Variants in FNDC1 observed in about 807,000 individuals in gnomAD.
FNDC1 encodes the protein fibronectin type III domain containing 1.
Under a neutral mutation model 168.0 loss-of-function variants are expected in FNDC1, and 96 were observed. The ratio of observed to expected loss-of-function variants is 0.57; its 90% CI spans 0.48 to 0.68. The LOEUF is 0.68. Ranked by LOEUF, FNDC1 falls within the 30% of genes least tolerant of loss-of-function variation. FNDC1 has a pLI of 0.00. For synonymous variants in FNDC1, 1,099 were observed against 1,025.9 expected (o/e 1.07, Z -1.36); for missense variants, 2,587 against 2,482.1 (o/e 1.04, Z -0.90).
intron 8 of FNDC1, 124 bp downstream of exon 8, chr6:159,225,846 A>G: frequency 1.2e-6 from 1 of 849,350 alleles, no homozygotes. Flanking sequence ...AGTCATGTTA[A>G]TCCTAAATTT....
chr6:159,244,812 A>G (rs995563893), intron 14 of FNDC1, among the ~76,000 whole-genome samples: 1 of 152,216 alleles, frequency 6.6e-6, no homozygotes, highest in African/African-American at 2.4e-5. Flanking sequence ...GTCTTTTACC[A>G]TCTGCATGTC....
Position 159,251,457 on chromosome 6 carries a change from G to C in FNDC1, c.4990G>C (p.Val1664Leu). 1 of 1,613,924 alleles carries C rather than the reference G, an allele frequency of 6.2e-7. No homozygotes were observed. The highest frequency in any genetic ancestry group is 8.5e-7 in the Non-Finnish European group (1 of 1,179,880). Reference sequence around the variant, plus strand: ...CCAGCATGCTCCCCGCAACATCACCGTGGTGGCCGTGGAAGGTTGCCACTC... The same window carrying C: ...CCAGCATGCTCCCCGCAACATCACCCTGGTGGCCGTGGAAGGTTGCCACTC... ...PPQHAPRNIT[V>L]VAVEGCHSFV... is the part of the protein sequence containing the mutation. The change falls in exon 17 of 23, where the codon GTG becomes CTG. Residue 1664 changes from valine to leucine, a missense_variant. Val to Leu is a conservative substitution (Grantham distance 32). Transcript: ENST00000297267.
intron 16 of FNDC1, 84 bp downstream of exon 16, chr6:159,249,266 G>A (rs935374462): frequency 1.3e-5 from 18 of 1,356,056 alleles, no homozygotes; most frequent in East Asian, 9.8e-5. Context: ...TTTTGGCCTC[G>A]CCAAGGCAGT....
At chr6:159,191,859 T>C (rs1414683999) in intron 1 of FNDC1, among the ~76,000 whole-genome samples, 1 of 152,166 alleles carries the variant, frequency 6.6e-6, no homozygotes, top group Non-Finnish European at 1.5e-5. Context: ...TGTTTCTCCC[T>C]GGATTAGTCG....
rs200627143 is a variant in FNDC1 at position 159,234,188 on chromosome 6, C to G, written c.3676C>G (p.Pro1226Ala). The G allele has an allele frequency of 4.1e-4, 659 of 1,598,640 alleles. 3 individuals carry two copies. The East Asian group carries it at 9.7e-3, about 24-fold the overall frequency. The change falls in exon 11 of 23, where the codon CCT becomes GCT. Residue 1226 changes from proline to alanine, a missense_variant. Pro to Ala is a conservative substitution (Grantham distance 27). Transcript: ENST00000297267. ...DGSLAKEEREPAIALAPRGGS... is the reference protein window; with the variant it reads ...DGSLAKEEREAAIALAPRGGS... ...GAGCCTCGCCAAGGAAGAGAGGGAG[C>G]CTGCCATCGCGCTTGCCCCTCGCGG...
At position 159,232,552 on chromosome 6, in the gene FNDC1, T is replaced by A; in HGVS notation, c.2040T>A (p.Val680=). 1.2e-6 allele frequency: 2 copies of A among 1,611,950 alleles called. No individual in the cohort carries two copies. Among genetic ancestry groups the A allele is most frequent in the Non-Finnish European group, 1.7e-6 (2 of 1,179,064 alleles). The change falls in exon 11 of 23, where the codon GTT becomes GTA. Residue 680 remains valine (V), a synonymous_variant. Transcript: ENST00000297267. This position sits in a 1 kb window ranked among gnomAD's most constrained non-coding sequence, Gnocchi z 4.9. ...LSPSRQSPSS[V]LRDRSSVHPG... ...CCAGCCGCCAGTCCCCGTCCAGCGT[T>A]CTCCGCGACAGAAGCTCTGTGCACC...
At chr6:159,178,997 A>G (rs1465202220) in intron 1 of FNDC1, among the ~76,000 whole-genome samples, 1 of 152,156 alleles carries the variant, frequency 6.6e-6, no homozygotes, top group East Asian at 1.9e-4. Flanking sequence ...AGTCCCAACA[A>G]GTTTTCCAGA....
At position 159,221,700 on chromosome 6, in the gene FNDC1, T is replaced by C; in HGVS notation, c.766+4T>C. 6.2e-7 allele frequency: 1 copy of C among 1,611,444 alleles called. No individual in the cohort carries two copies. Among genetic ancestry groups the C allele is most frequent in the Non-Finnish European group, 8.5e-7 (1 of 1,177,542 alleles). The stretch of plus-strand genomic sequence containing the variant: ...CTAACAAAGCGAAAGATTTCAGGTA[T>C]GTTTCTAAGGATGCATTTGGTCAAA... On this transcript the variant is annotated splice_donor_region_variant and intron_variant, in intron 6 of 22. Coordinates refer to ENST00000297267, the MANE Select transcript of FNDC1 (RefSeq NM_032532.3).
intron 4 of FNDC1, among the ~76,000 whole-genome samples, chr6:159,200,933 C>A (rs1345702241): frequency 6.6e-6 from 1 of 152,232 alleles, no homozygotes; most frequent in Non-Finnish European, 1.5e-5. Flanking sequence ...TGAATGGGGT[C>A]CCCCCAAAAT....
At chr6:159,182,759 G>C (rs1781908982) in intron 1 of FNDC1, among the ~76,000 whole-genome samples, 1 of 152,204 alleles carries the variant, frequency 6.6e-6, no homozygotes, top group Admixed American at 6.5e-5. Context: ...ACCTTTGAAG[G>C]TAGGGAAATG....
intron 1 of FNDC1, among the ~76,000 whole-genome samples, chr6:159,178,945 G>T (rs1781825067): frequency 6.6e-6 from 1 of 152,136 alleles, no homozygotes; most frequent in African/African-American, 2.4e-5. Context: ...CAATGTCACA[G>T]AACCTTCCAA....
intron 4 of FNDC1, among the ~76,000 whole-genome samples, chr6:159,202,744 C>T (rs867202842): frequency 1.3e-5 from 2 of 152,208 alleles, no homozygotes; most frequent in Admixed American, 6.5e-5. Context: ...TAATTTATTA[C>T]AGGCGGAGGT....
chr6:159,256,676 G>T (rs765581494), intron 18 of FNDC1, 45 bp downstream of exon 18: 1 of 1,409,642 alleles, frequency 7.1e-7, no homozygotes, highest in South Asian at 1.2e-5. Flanking sequence ...CCATGTGCAT[G>T]GTTGCTGATT....
chr6:159,189,991 T>A (rs1782097650), intron 1 of FNDC1, among the ~76,000 whole-genome samples: 1 of 152,218 alleles, frequency 6.6e-6, no homozygotes, highest in Admixed American at 6.5e-5. Context: ...GGAGGTCAGC[T>A]TGACTTTGGA....
In FNDC1 at chr6:159,170,010, A is replaced by G. The variant is rs1491432; in HGVS notation, c.109+305A>G. 1.5e-3 allele frequency: 255 copies of G among 168,770 alleles called. 1 individual carries two copies. The highest frequency in any genetic ancestry group is 5.6e-3 in the African/African-American group (234 of 42,072). The allele number at this position is 168,770 out of a possible 1,614,324, so 10.5% of individuals were successfully genotyped here. A position where few individuals can be genotyped will look rare whatever the true frequency, so the allele number is the denominator to read the frequency against. ...CGGGGAAAAAAGGAAAAGAAAGGCG[A>G]CTTTCAGCGTGCGGACTGGGGTAAT... On this transcript the variant is annotated intron_variant, in intron 1 of 22. Transcript: ENST00000297267.
At position 159,246,889 on chromosome 6, in the gene FNDC1, T is replaced by C. The variant is rs967215202; in HGVS notation, c.4622-12T>C. On this transcript the variant is annotated splice_polypyrimidine_tract_variant and intron_variant, in intron 14 of 22. Coordinates refer to ENST00000297267, the MANE Select transcript of FNDC1 (RefSeq NM_032532.3). ...GCGCTGGATGACTGGTCCTTTTCTC[T>C]GTCCTCACTAGATGAGTTCTCAGGC... 1 of 1,603,778 alleles carries C rather than the reference T, an allele frequency of 6.2e-7. No individual in the cohort carries two copies. The highest frequency in any genetic ancestry group is 1.3e-5 in the African/African-American group (1 of 74,814).
At chr6:159,257,033 T>C (rs1052238339) in intron 18 of FNDC1, among the ~76,000 whole-genome samples, 2 of 152,214 alleles carry the variant, frequency 1.3e-5, no homozygotes, top group Non-Finnish European at 2.9e-5. Flanking sequence ...CTCTGTGACA[T>C]AGAAGTTCAC....
At chr6:159,181,124 C>T (rs1781868517) in intron 1 of FNDC1, among the ~76,000 whole-genome samples, 1 of 152,170 alleles carries the variant, frequency 6.6e-6, no homozygotes, top group African/African-American at 2.4e-5. Context: ...CCTATTTCTC[C>T]ATAACCTCGA....
At chr6:159,218,252 C>T (rs397476) in intron 5 of FNDC1, 23,357 of 152,188 alleles carry the variant, frequency 0.15, 2,189 homozygotes, top group East Asian at 0.29. Context: ...ATGTTTTTTG[C>T]TGCCTGAACG....
Sources: allele counts gnomAD v4.1 joint callset (sites outside exome capture counted in the v4.1 genomes callset), GRCh38; gene constraint gnomAD v4.1.1; non-coding constraint Gnocchi (gnomAD v3.1); transcripts MANE v1.5; gene names NCBI Gene and HGNC (gene_info 2026-07-23, HGNC 2026-07-21).